Variants in AKT3 observed in about 807,000 individuals in gnomAD.
AKT3 encodes AKT serine/threonine kinase 3, also known as RAC-gamma serine/threonine-protein kinase.
A neutral mutation model predicts 65.3 loss-of-function variants in AKT3; 15 were observed. That is an observed-to-expected ratio of 0.23 (90% CI 0.15 to 0.35). The LOEUF (loss-of-function observed/expected upper bound fraction) is 0.35. AKT3 is among the 10% of genes least tolerant of loss of function. AKT3 has a pLI of 1.00. For synonymous variants in AKT3, 206 were observed against 183.8 expected, an observed-to-expected ratio of 1.12 and a Z score of -0.98; for missense variants, 243 against 576.5, an observed-to-expected ratio of 0.42 and a Z score of 5.92.
chr1:243,491,882 A>G (rs999958278), intron 13 of AKT3, among the ~76,000 whole-genome samples: 1 of 152,182 alleles, frequency 6.6e-6, no homozygotes, highest in Non-Finnish European at 1.5e-5. Context: ...CCGTTTTCTC[A>G]GCCTGGATGA....
chr1:243,559,029 T>C (rs1306398943), intron 10 of AKT3, among the ~76,000 whole-genome samples: 1 of 152,092 alleles, frequency 6.6e-6, no homozygotes, highest in Non-Finnish European at 1.5e-5. Flanking sequence ...TGGTTTGGAT[T>C]CAATAGGAGC....
intron 2 of AKT3, among the ~76,000 whole-genome samples, chr1:243,836,224 A>G (rs775203088): frequency 2.6e-5 from 4 of 152,178 alleles, no homozygotes; most frequent in Non-Finnish European, 4.4e-5. Context: ...CACTAATCAT[A>G]AAAAATCAGG....
At chr1:243,493,843 A>C (rs1439527462) in intron 13 of AKT3, among the ~76,000 whole-genome samples, 1 of 151,826 alleles carries the variant, frequency 6.6e-6, no homozygotes, top group Non-Finnish European at 1.5e-5. Flanking sequence ...AGAGACACAG[A>C]AGATGATGAA....
At chr1:243,533,413 A>G (rs956993342) in intron 12 of AKT3, among the ~76,000 whole-genome samples, 2 of 152,222 alleles carry the variant, frequency 1.3e-5, no homozygotes, top group African/African-American at 4.8e-5. Flanking sequence ...CAATTCTATC[A>G]CTGACATTTA....
At chr1:243,729,989 T>G (rs1687447522) in intron 2 of AKT3, among the ~76,000 whole-genome samples, 1 of 152,152 alleles carries the variant, frequency 6.6e-6, no homozygotes. Flanking sequence ...GGCAGACAAA[T>G]TCCTAGGCAG....
At chr1:243,822,466 TC>T (rs527859063) in intron 2 of AKT3, among the ~76,000 whole-genome samples, 50 of 100,416 alleles carry the variant, frequency 5.0e-4, no homozygotes, top group Admixed American at 5.7e-4. Context: ...TAAAAACCCT[TC>T]AAAAAAAAAA....
chr1:243,583,170 G>GTATATATATATATATA (rs74162293), intron 8 of AKT3, among the ~76,000 whole-genome samples: 1 of 118,592 alleles, frequency 8.4e-6, no homozygotes, highest in African/African-American at 3.4e-5. Flanking sequence ...ATATGTGTGT[G>GTATATATATATATATA]TATATATATA....
intron 2 of AKT3, among the ~76,000 whole-genome samples, chr1:243,749,937 T>C (rs142405189): frequency 3.8e-4 from 58 of 152,342 alleles, no homozygotes; most frequent in African/African-American, 1.3e-3. Flanking sequence ...GAAATAATGC[T>C]GTAATAATTG....
intron 12 of AKT3, among the ~76,000 whole-genome samples, chr1:243,515,748 T>C (rs568027659): frequency 6.6e-6 from 1 of 152,300 alleles, no homozygotes; most frequent in Non-Finnish European, 1.5e-5. Context: ...CCCAGCACTT[T>C]GGGAGGCCGA....
intron 12 of AKT3, among the ~76,000 whole-genome samples, chr1:243,528,114 G>T (rs1041947579): frequency 6.6e-6 from 1 of 152,042 alleles, no homozygotes; most frequent in African/African-American, 2.4e-5. Flanking sequence ...CTATAGGTTA[G>T]CTATGCTTCA....
chr1:243,664,185 C>CTTT lies in AKT3; in HGVS notation c.284+584_284+586dup, dbSNP rs34578718. Among the ~76,000 whole-genome samples the CTTT allele has an allele frequency of 4.0e-4, 24 of 60,012 alleles. 2 individuals are homozygous for CTTT. The highest frequency in any genetic ancestry group is 8.9e-4 in the South Asian group (1 of 1,122). The allele number at this position is 60,012 out of a possible 152,430, so 39.4% of individuals were successfully genotyped here. On this transcript the variant is annotated intron_variant, in intron 4 of 13. Transcript: ENST00000673466. ...AAAGGTAGTTTGGCTATAAAAATGT[C>CTTT]TTTTTTTTTTTTTTTTTTTTTTTTT...
chr1:243,686,349 T>A (rs1006537667), intron 3 of AKT3, among the ~76,000 whole-genome samples: 1 of 151,922 alleles, frequency 6.6e-6, no homozygotes, highest in African/African-American at 2.4e-5. Flanking sequence ...TAAGAAAGAA[T>A]AGCCCTGACT....
intron 2 of AKT3, among the ~76,000 whole-genome samples, chr1:243,776,418 G>C (rs1365953970): frequency 1.3e-5 from 2 of 152,136 alleles, no homozygotes; most frequent in African/African-American, 2.4e-5. Context: ...AAGTTCAGGA[G>C]GGTGGGGCCC....
At position 243,505,295 on chromosome 1, in the gene AKT3, C is replaced by T. The variant is rs2148345455; in HGVS notation, c.1394G>A (p.Arg465Gln). Reference protein sequence around the residue: ...DGMDCMDNERRPHFPQFSYSA... With the variant: ...DGMDCMDNERQPHFPQFSYSA... ...GTAGGAAAATTGAGGGAAATGCGGC[C>T]GCCTCTCATTGTCCATGCAGTCCAT... Residue 465 changes from arginine to glutamine, a missense_variant, in exon 14 of 14, where the codon CGG becomes CAG. This residue lies in a region of AKT3 where 57 missense variants were observed against 107.6 expected (regional missense o/e 0.53). Coordinates refer to ENST00000673466, the MANE Select transcript of AKT3 (RefSeq NM_005465.7). 3 of 1,614,102 alleles carry T rather than the reference C, an allele frequency of 1.9e-6. No individual in the cohort carries two copies. Among genetic ancestry groups the T allele is most frequent in the Non-Finnish European group, 2.5e-6 (3 of 1,180,018 alleles).
intron 13 of AKT3, among the ~76,000 whole-genome samples, chr1:243,493,379 A>T (rs1481869507): frequency 1.3e-5 from 2 of 152,188 alleles, no homozygotes; most frequent in Non-Finnish European, 2.9e-5. Context: ...GTGAGGAAAC[A>T]TGAGTCTTGG....
At chr1:243,618,492 C>T (rs764265757) in intron 6 of AKT3, among the ~76,000 whole-genome samples, 2 of 152,022 alleles carry the variant, frequency 1.3e-5, no homozygotes, top group African/African-American at 2.4e-5. Context: ...TTAAAAATAA[C>T]AGTAGTAAAA....
At chr1:243,533,558 T>TA (rs929908145) in intron 12 of AKT3, among the ~76,000 whole-genome samples, 1 of 152,138 alleles carries the variant, frequency 6.6e-6, no homozygotes. Context: ...TAAAAAAAGT[T>TA]AAAAAAGCAT....
chr1:243,818,894 A>G (rs751488580), intron 2 of AKT3, among the ~76,000 whole-genome samples: 8 of 152,120 alleles, frequency 5.3e-5, no homozygotes, highest in Non-Finnish European at 1.0e-4. Flanking sequence ...GGGTGATGCA[A>G]TGGCCCACAT....
At position 243,718,980 on chromosome 1, in the gene AKT3, G is replaced by A. The variant is rs1287777014; in HGVS notation, c.47-23264C>T. Among the ~76,000 whole-genome samples, 3 of 152,034 alleles carry A rather than the reference G, an allele frequency of 2.0e-5. No individual in the cohort carries two copies. The East Asian group carries it at 5.8e-4, about 29-fold the overall frequency. ...TTTCATGGGATAAGTCATTCCCTAA[G>A]GGGATAATTCCCTTAGGGATAATTC... On this transcript the variant is annotated intron_variant, in intron 2 of 13. Coordinates refer to ENST00000673466, the MANE Select transcript of AKT3 (RefSeq NM_005465.7).
Sources: allele counts gnomAD v4.1 joint callset (sites outside exome capture counted in the v4.1 genomes callset), GRCh38; gene constraint gnomAD v4.1.1; regional missense constraint gnomAD v4.1.1; transcripts MANE v1.5; gene names NCBI Gene and HGNC (gene_info 2026-07-23, HGNC 2026-07-21).